The following RCOR3 variants were observed in gnomAD, a reference collection of about 807,000 sequenced individuals.
RCOR3 encodes the protein REST corepressor 3.
RCOR3 carries 13 observed loss-of-function variants against 64.1 expected under a neutral mutation model. The ratio of observed to expected loss-of-function variants is 0.20; its 90% confidence interval spans 0.13 to 0.32. The LOEUF is 0.32. Among genes scored for constraint, RCOR3 ranks in the 10% least tolerant of loss-of-function variants. The probability of loss-of-function intolerance (pLI) is 1.00; values close to 1 mark genes in which losing one functional copy is unlikely to be tolerated. For missense variants in RCOR3, 489 were observed against 701.2 expected (o/e 0.70, Z 3.42); for synonymous variants, 215 against 239.0 (o/e 0.90, Z 0.93).
intron 9 of RCOR3, chr1:211,301,579 A>G (rs1700384690): frequency 6.6e-6 from 1 of 152,082 alleles, no homozygotes; most frequent in Non-Finnish European, 1.5e-5. Flanking sequence ...TACTGACACA[A>G]ATCCCGTTTT....
Position 211,269,873 on chromosome 1 carries a change from A to G in RCOR3, c.224-1359A>G, listed in dbSNP as rs943352777. Among the ~76,000 whole-genome samples the G allele has an allele frequency of 7.2e-5, 11 of 151,964 alleles. No homozygotes were observed. The South Asian group carries it at 1.7e-3, about 23-fold the overall frequency. On this transcript the variant is annotated intron_variant, in intron 2 of 11. Coordinates refer to ENST00000419091, the MANE Select transcript of RCOR3 (RefSeq NM_001136223.3). ...CTAGGTGTGGTGGCATGCAGCTGTGATCCCAACTACTTGGGAGGCTGAGGC... is the reference window on the plus strand; with the variant it reads ...CTAGGTGTGGTGGCATGCAGCTGTGGTCCCAACTACTTGGGAGGCTGAGGC...
At chr1:211,281,052 G>A (rs1190530612) in intron 7 of RCOR3, among the ~76,000 whole-genome samples, 3 of 150,178 alleles carry the variant, frequency 2.0e-5, no homozygotes, top group Admixed American at 6.6e-5. Context: ...TTAGCACTAC[G>A]TCACTTTTGA....
At chr1:211,270,565 T>C (rs1422228596) in intron 2 of RCOR3, among the ~76,000 whole-genome samples, 1 of 150,322 alleles carries the variant, frequency 6.7e-6, no homozygotes, top group African/African-American at 2.4e-5. Context: ...AAAAAATACC[T>C]GAGGCATTCT....
intron 10 of RCOR3, among the ~76,000 whole-genome samples, chr1:211,305,932 T>TAAAAAAAAAAAAAAAAAAA (rs1700806106): frequency 6.6e-6 from 1 of 152,160 alleles, no homozygotes. Context: ...CTATGTACAT[T>TAAAAAAAAAAAAAAAAAAA]TAAAAAGTAA....
In RCOR3 at chr1:211,313,227, T is replaced by C; in HGVS notation, c.1318-197T>C. ...CTGTTTACAAATAAAGATGCCTGTTTGGTAGCCTCATTGGTTTTTGGTTTT... is the reference window on the plus strand; with the variant it reads ...CTGTTTACAAATAAAGATGCCTGTTCGGTAGCCTCATTGGTTTTTGGTTTT... On this transcript the variant is annotated intron_variant, in intron 11 of 11. Transcript: ENST00000419091. The surrounding 1 kb of genome is among the most constrained non-coding windows in gnomAD (Gnocchi z 4.7). 7.0e-7 allele frequency: 1 copy of C among 1,431,736 alleles called. No individual in the cohort carries two copies. The highest frequency in any genetic ancestry group is 2.5e-5 in the East Asian group (1 of 39,872). The allele number at this position is 1,431,736 out of a possible 1,614,324, so 88.7% of individuals were successfully genotyped here.
At chr1:211,303,986 C>T (rs921309859) in intron 9 of RCOR3, 97 bp from the exon 10 acceptor site, 1 of 659,610 alleles carries the variant, frequency 1.5e-6, no homozygotes, top group Non-Finnish European at 2.5e-6. Context: ...TTGTAGTAAT[C>T]TCATGTCTGT....
chr1:211,289,498 C>A, intron 8 of RCOR3, 102 bp downstream of exon 8: 2 of 898,732 alleles, frequency 2.2e-6, no homozygotes, highest in Non-Finnish European at 1.7e-6. Flanking sequence ...TTTTTCTCAG[C>A]CATCCACTTA....
chr1:211,270,669 T>TTAAAATAATAGAATCTACAGGCAC (rs1696026648), intron 2 of RCOR3, among the ~76,000 whole-genome samples: 1 of 152,112 alleles, frequency 6.6e-6, no homozygotes, highest in South Asian at 2.1e-4. Context: ...AGTAGAGATA[T>TTAAAATAATAGAATCTACAGGCAC]GTAATGTACT....
At position 211,293,891 on chromosome 1, in the gene RCOR3, T is replaced by C. The variant is rs557874764; in HGVS notation, c.940-1785T>C. Among the ~76,000 whole-genome samples, 9 of 152,338 alleles carry C rather than the reference T, an allele frequency of 5.9e-5. No individual in the cohort carries two copies. The East Asian group carries it at 1.7e-3, about 29-fold the overall frequency. The stretch of plus-strand genomic sequence containing the variant: ...GGAAAAAAGTAAACAATCCTAACCC[T>C]TAACAGTCTAAATGGAGACTAATAA... On this transcript the variant is annotated intron_variant, in intron 8 of 11. Transcript: ENST00000419091.
At chr1:211,267,661 G>A (rs1695430622) in intron 2 of RCOR3, 1 of 200,794 alleles carries the variant, frequency 5.0e-6, no homozygotes, top group Non-Finnish European at 1.0e-5. Flanking sequence ...GTGTGGTCAT[G>A]GCTCACTGCA....
At chr1:211,270,651 T>TTCTGTCAAGGTAATA (rs1361144624) in intron 2 of RCOR3, among the ~76,000 whole-genome samples, 1 of 152,182 alleles carries the variant, frequency 6.6e-6, no homozygotes. Flanking sequence ...ATTTATTACC[T>TTCTGTCAAGGTAATA]TCTGTCAAGT....
At chr1:211,269,108 A>G (rs1695727908) in intron 2 of RCOR3, among the ~76,000 whole-genome samples, 2 of 152,192 alleles carry the variant, frequency 1.3e-5, no homozygotes, top group African/African-American at 4.8e-5. Context: ...CCTCGGAATT[A>G]TTTTAATATG....
chr1:211,267,592 CTTAT>C (rs763711273), intron 2 of RCOR3, among the ~76,000 whole-genome samples: 1 of 151,974 alleles, frequency 6.6e-6, no homozygotes, highest in Non-Finnish European at 1.5e-5. Context: ...GTTTTTGAAA[CTTAT>C]TTATTTATTT....
At chr1:211,268,511 C>T (rs1177308350) in intron 2 of RCOR3, among the ~76,000 whole-genome samples, 3 of 151,296 alleles carry the variant, frequency 2.0e-5, no homozygotes, top group Non-Finnish European at 4.4e-5. Flanking sequence ...TCTTGAGTAG[C>T]TGGGATTACA....
At chr1:211,266,949 A>AGG (rs1695307638) in intron 2 of RCOR3, among the ~76,000 whole-genome samples, 1 of 152,214 alleles carries the variant, frequency 6.6e-6, no homozygotes, top group Non-Finnish European at 1.5e-5. Context: ...TTGGTGAGAG[A>AGG]GGACATCAGC....
chr1:211,278,322 T>C (rs2102508488), intron 6 of RCOR3, 81 bp downstream of exon 6: 6 of 1,403,390 alleles, frequency 4.3e-6, no homozygotes, highest in South Asian at 2.4e-5. Flanking sequence ...AGAAAAGTTA[T>C]CACAACACAT....
intron 2 of RCOR3, among the ~76,000 whole-genome samples, chr1:211,265,158 G>C (rs1694970568): frequency 6.6e-6 from 1 of 152,080 alleles, no homozygotes; most frequent in South Asian, 2.1e-4. Flanking sequence ...GTCGACATCT[G>C]TTATTTGTCA....
intron 1 of RCOR3, 129 bp downstream of exon 1, chr1:211,259,855 C>A: frequency 2.7e-6 from 3 of 1,091,912 alleles, no homozygotes; most frequent in Non-Finnish European, 2.5e-6. Context: ...TAGCCTCGAA[C>A]TCCCGGTGCA....
chr1:211,300,799 A>G (rs4347268), intron 9 of RCOR3, among the ~76,000 whole-genome samples: 145,625 of 152,284 alleles, frequency 0.96, 69,695 homozygotes, highest in East Asian at 1. Context: ...ATGCCCCACA[A>G]TGAGCAGTAG....
Sources: allele counts gnomAD v4.1 joint callset (sites outside exome capture counted in the v4.1 genomes callset), GRCh38; gene constraint gnomAD v4.1.1; non-coding constraint Gnocchi (gnomAD v3.1); transcripts MANE v1.5; gene names NCBI Gene and HGNC (gene_info 2026-07-23, HGNC 2026-07-21).